The following LNX1 variants were observed in gnomAD, a reference collection of about 807,000 sequenced individuals.
The protein encoded by LNX1 is ligand of numb-protein X 1.
A neutral mutation model predicts 68.4 loss-of-function variants in LNX1; 54 were observed. The observed-to-expected ratio is 0.79, with a 90% CI of 0.63 to 0.99. The LOEUF is 0.99. Among genes scored for constraint, LNX1 ranks in the 50% least tolerant of loss-of-function variants. The probability of loss-of-function intolerance (pLI) is 0.00; values close to 1 mark genes in which losing one functional copy is unlikely to be tolerated. For missense variants in LNX1, 906 were observed against 926.4 expected, an observed-to-expected ratio of 0.98 and a Z score of 0.29; for synonymous variants, 336 against 350.0, an observed-to-expected ratio of 0.96 and a Z score of 0.45.
intron 2 of LNX1, among the ~76,000 whole-genome samples, chr4:53,531,972 C>T (rs1337527649): frequency 1.3e-5 from 2 of 152,138 alleles, no homozygotes; most frequent in Non-Finnish European, 2.9e-5. Flanking sequence ...TTCAGTTGTT[C>T]TTTTTGCTAG....
intron 2 of LNX1, among the ~76,000 whole-genome samples, chr4:53,528,860 T>C (rs1170682154): frequency 1.3e-5 from 2 of 152,064 alleles, no homozygotes; most frequent in Admixed American, 1.3e-4. Flanking sequence ...CCAAAGGTAT[T>C]GGCTCTGGGA....
At chr4:53,633,237 A>T (rs1734341418) in intron 1 of LNX1, among the ~76,000 whole-genome samples, 1 of 152,244 alleles carries the variant, frequency 6.6e-6, no homozygotes, top group Non-Finnish European at 1.5e-5. Context: ...ATGGCACATA[A>T]CAGGGATTCA....
At chr4:53,608,394 A>G (rs1733316008) in intron 2 of LNX1, among the ~76,000 whole-genome samples, 1 of 152,244 alleles carries the variant, frequency 6.6e-6, no homozygotes, top group Non-Finnish European at 1.5e-5. Context: ...AGAGAAATGC[A>G]AATCAAAGCC....
At chr4:53,502,529 C>T (rs1488370277) in intron 4 of LNX1, among the ~76,000 whole-genome samples, 3 of 152,200 alleles carry the variant, frequency 2.0e-5, no homozygotes, top group Admixed American at 2.0e-4. Context: ...GGTAGAGAGT[C>T]TTGCCTTGAT....
intron 2 of LNX1, among the ~76,000 whole-genome samples, chr4:53,566,595 G>A (rs1461161103): frequency 1.3e-4 from 19 of 151,034 alleles, no homozygotes; most frequent in South Asian, 2.1e-4. Flanking sequence ...ATCAACTAAC[G>A]AGCAAAATAA....
chr4:53,507,884 T>C lies in LNX1; in HGVS notation c.622+102A>G, dbSNP rs1726025889. 3 of 1,439,784 alleles carry C rather than the reference T, an allele frequency of 2.1e-6. No individual in the cohort carries two copies. In the Admixed American group the frequency reaches 7.2e-5, roughly 34 times the overall value. The allele number at this position is 1,439,784 out of a possible 1,614,324, so 89.2% of individuals were successfully genotyped here. On this transcript the variant is annotated intron_variant, in intron 3 of 10. Transcript: ENST00000263925. ...TCCTGCCAAAACTACCAGAACGATT[T>C]CCCCTTAAAAAACATTTACAGAACT... is the stretch of plus-strand genomic sequence containing the variant.
rs554578533 is a variant in LNX1 at position 53,505,559 on chromosome 4, T to C, written c.775+1758A>G. Among the ~76,000 whole-genome samples the C allele has an allele frequency of 3.3e-5, 5 of 152,310 alleles. No individual in the cohort carries two copies. In the South Asian group the frequency reaches 1.0e-3, roughly 32 times the overall value. On this transcript the variant is annotated intron_variant, in intron 4 of 10. Transcript: ENST00000263925. Reference sequence around the variant, plus strand: ...AAGCCACCACGTCTGGCCCAAGTAGTAGAGAACTTTACATGGAGTGGAATT... The same window carrying C: ...AAGCCACCACGTCTGGCCCAAGTAGCAGAGAACTTTACATGGAGTGGAATT...
intron 2 of LNX1, among the ~76,000 whole-genome samples, chr4:53,540,498 T>C (rs563929657): frequency 4.6e-4 from 70 of 152,166 alleles, no homozygotes; most frequent in African/African-American, 1.6e-3. Flanking sequence ...CTGGCTGACA[T>C]GGTGAAACCC....
chr4:53,524,863 C>CA (rs1432021145), intron 2 of LNX1, among the ~76,000 whole-genome samples: 4 of 152,188 alleles, frequency 2.6e-5, no homozygotes, highest in Middle Eastern at 6.8e-3. Flanking sequence ...CCTTTCTTTG[C>CA]AAAAAAAGCT....
At chr4:53,617,880 C>T (rs763241083), upstream of LNX1, among the ~76,000 whole-genome samples, 3 of 152,122 alleles carry the variant, frequency 2.0e-5, no homozygotes, top group Non-Finnish European at 4.4e-5. Context: ...AGAAATTGAG[C>T]CAGTTTTCTC....
chr4:53,564,981 C>A (rs917588450), intron 2 of LNX1, among the ~76,000 whole-genome samples: 41 of 152,230 alleles, frequency 2.7e-4, no homozygotes, highest in African/African-American at 8.9e-4. Context: ...TATCCCCCAC[C>A]TGGCTCGGAG....
intron 1 of LNX1, among the ~76,000 whole-genome samples, chr4:53,589,946 G>A (rs1732405792): frequency 6.6e-6 from 1 of 152,168 alleles, no homozygotes; most frequent in South Asian, 2.1e-4. Flanking sequence ...TAACTACTGT[G>A]AAAAGCACTA....
chr4:53,560,806 A>G (rs1730232554), intron 2 of LNX1, among the ~76,000 whole-genome samples: 1 of 152,212 alleles, frequency 6.6e-6, no homozygotes, highest in Admixed American at 6.5e-5. Context: ...TACATGAGAA[A>G]AACAAAACTT....
chr4:53,606,767 T>C (rs1733253160), intron 2 of LNX1, among the ~76,000 whole-genome samples: 1 of 152,216 alleles, frequency 6.6e-6, no homozygotes, highest in African/African-American at 2.4e-5. Context: ...CATGATCAAG[T>C]AGGCTTCATC....
At chr4:53,471,295 G>A (rs571027098) in intron 9 of LNX1, among the ~76,000 whole-genome samples, 339 of 151,942 alleles carry the variant, frequency 2.2e-3, no homozygotes, top group African/African-American at 7.8e-3. Flanking sequence ...CATACGTAGA[G>A]AGCTGAAACT....
At chr4:53,537,322 T>C (rs1391832819) in intron 2 of LNX1, among the ~76,000 whole-genome samples, 1 of 152,198 alleles carries the variant, frequency 6.6e-6, no homozygotes, top group African/African-American at 2.4e-5. Flanking sequence ...ATGTGTGCAA[T>C]AGCCTTGGGT....
At chr4:53,480,604 G>A (rs1444654091) in intron 7 of LNX1, among the ~76,000 whole-genome samples, 2 of 152,080 alleles carry the variant, frequency 1.3e-5, no homozygotes, top group Non-Finnish European at 2.9e-5. Flanking sequence ...GTTTTAGCAG[G>A]ATATATCTGG....
chr4:53,550,117 C>T (rs1729401721), intron 2 of LNX1, among the ~76,000 whole-genome samples: 1 of 152,182 alleles, frequency 6.6e-6, no homozygotes. Flanking sequence ...GCTCTTTGGA[C>T]ATCAAAGAAT....
chr4:53,590,597 C>G (rs1326427987), intron 1 of LNX1, among the ~76,000 whole-genome samples: 1 of 152,224 alleles, frequency 6.6e-6, no homozygotes, highest in African/African-American at 2.4e-5. Context: ...CCTGGCAGAA[C>G]AACTTCCTCG....
Sources: allele counts gnomAD v4.1 joint callset (sites outside exome capture counted in the v4.1 genomes callset), GRCh38; gene constraint gnomAD v4.1.1; transcripts MANE v1.5; gene names NCBI Gene and HGNC (gene_info 2026-07-23, HGNC 2026-07-21).